MPPED1: variants seen among roughly 807,000 people sequenced by gnomAD.
MPPED1 encodes the protein metallophosphoesterase domain containing 1, also known as metallophosphoesterase domain-containing protein 1.
In MPPED1, 16 loss-of-function variants were observed where a neutral mutation model predicts 36.2. The ratio of observed to expected loss-of-function variants is 0.44; its 90% CI spans 0.30 to 0.67. The LOEUF is 0.67. Ranked by LOEUF, MPPED1 falls within the 30% of genes least tolerant of loss-of-function variation. The pLI is 0.10. For missense variants in MPPED1, 307 were observed against 453.4 expected (o/e 0.68, Z 2.93); for synonymous variants, 199 against 191.3 (o/e 1.04, Z -0.33).
intron 4 of MPPED1, among the ~76,000 whole-genome samples, chr22:43,481,655 C>T (rs887633247): frequency 6.6e-6 from 1 of 152,270 alleles, no homozygotes; most frequent in African/African-American, 2.4e-5. Flanking sequence ...CTGTCACCAG[C>T]TCCCTCCCCT....
intron 4 of MPPED1, among the ~76,000 whole-genome samples, chr22:43,491,827 TGGTGGTAATGATTG>T (rs1932111629): frequency 6.7e-6 from 1 of 150,112 alleles, no homozygotes; most frequent in African/African-American, 2.5e-5. Flanking sequence ...ATGATGGAGG[TGGTGGTAATGATTG>T]AGGTGCTGGT....
chr22:43,424,676 G>GTT (rs135084), intron 1 of MPPED1, among the ~76,000 whole-genome samples: 10 of 149,936 alleles, frequency 6.7e-5, no homozygotes, highest in South Asian at 2.1e-4. Context: ...GCTGTGGGTT[G>GTT]TTTTTTTTTC....
At chr22:43,476,073 G>A (rs1298588083) in intron 4 of MPPED1, among the ~76,000 whole-genome samples, 3 of 149,150 alleles carry the variant, frequency 2.0e-5, no homozygotes, top group Non-Finnish European at 3.0e-5. Context: ...TGATCATGGT[G>A]GGGGTGGTGG....
In MPPED1 at chr22:43,463,807, T is replaced by TTTTCTTTCTTTCTTTTTTTTTTTCTTTC. The variant is rs1491212045; in HGVS notation, c.407-10914_407-10913insTTTTTTTTCTTTCTTTCTTTCTTTCTTT. Among the ~76,000 whole-genome samples, 102 of 113,004 alleles carry TTTTCTTTCTTTCTTTTTTTTTTTCTTTC rather than the reference T, an allele frequency of 9.0e-4. 5 individuals are homozygous for TTTTCTTTCTTTCTTTTTTTTTTTCTTTC. Among genetic ancestry groups the TTTTCTTTCTTTCTTTTTTTTTTTCTTTC allele is most frequent in the East Asian group, 5.4e-3 (20 of 3,722 alleles). 74.1% of individuals were successfully genotyped at this position (113,004 alleles called of 152,430 possible). Reference sequence around the variant, plus strand: ...ACTGTGGTTGATTTTTCATTTTTTCTTTTCTTTCTTTCTTTCTTTCTTTCT... The same window carrying TTTTCTTTCTTTCTTTTTTTTTTTCTTTC: ...ACTGTGGTTGATTTTTCATTTTTTCTTTTCTTTCTTTCTTTTTTTTTTTCTTTCTTTCTTTCTTTCTTTCTTTCTTTCT... On this transcript the variant is annotated intron_variant, in intron 3 of 6. Coordinates refer to ENST00000443721, the MANE Select transcript of MPPED1 (RefSeq NM_001044370.2).
chr22:43,448,858 C>T (rs565253996), intron 3 of MPPED1, among the ~76,000 whole-genome samples: 4 of 152,170 alleles, frequency 2.6e-5, no homozygotes, highest in Admixed American at 1.3e-4. Context: ...CTTGGGCTCC[C>T]GAAGTGCTGG....
chr22:43,427,953 C>T (rs1038725610), intron 2 of MPPED1, among the ~76,000 whole-genome samples: 20 of 152,276 alleles, frequency 1.3e-4, no homozygotes, highest in Admixed American at 2.6e-4. Context: ...AAAAACGCTG[C>T]GCACAGTAAT....
chr22:43,466,784 C>G (rs960382647), intron 3 of MPPED1, among the ~76,000 whole-genome samples: 24 of 152,290 alleles, frequency 1.6e-4, no homozygotes, highest in African/African-American at 5.8e-4. Context: ...CTAGACAGTC[C>G]TAAGTCTCTT....
chr22:43,458,180 C>T (rs761869832), intron 3 of MPPED1, among the ~76,000 whole-genome samples: 31 of 152,180 alleles, frequency 2.0e-4, no homozygotes, highest in Non-Finnish European at 3.4e-4. Context: ...GTGCATTTCT[C>T]GGAATGCATC....
chr22:43,417,263 C>G (rs1929106737), intron 1 of MPPED1, among the ~76,000 whole-genome samples: 1 of 152,190 alleles, frequency 6.6e-6, no homozygotes, highest in Non-Finnish European at 1.5e-5. Context: ...CTACTGAACT[C>G]ATCAGCTTAT....
At chr22:43,461,700 T>A (rs981023896) in intron 3 of MPPED1, among the ~76,000 whole-genome samples, 2 of 152,226 alleles carry the variant, frequency 1.3e-5, no homozygotes, top group Non-Finnish European at 1.5e-5. Flanking sequence ...CTTTTTACTT[T>A]TTTTTGAGAA....
At chr22:43,444,928 G>A (rs1930284533) in intron 3 of MPPED1, among the ~76,000 whole-genome samples, 1 of 152,170 alleles carries the variant, frequency 6.6e-6, no homozygotes, top group Admixed American at 6.5e-5. Flanking sequence ...GAATATTGAT[G>A]ATAAATTAAA....
intron 4 of MPPED1, among the ~76,000 whole-genome samples, chr22:43,481,425 G>A (rs112536931): frequency 2.3e-4 from 35 of 152,254 alleles, no homozygotes; most frequent in African/African-American, 7.7e-4. Flanking sequence ...CTACTAGGGC[G>A]TCTGAGGCTT....
At chr22:43,452,674 G>C (rs2146855891) in intron 3 of MPPED1, among the ~76,000 whole-genome samples, 1 of 152,296 alleles carries the variant, frequency 6.6e-6, no homozygotes, top group South Asian at 2.1e-4. Flanking sequence ...TTGTCACCCA[G>C]GCTGGAGTGC....
intron 3 of MPPED1, among the ~76,000 whole-genome samples, chr22:43,454,906 T>A (rs1930699443): frequency 6.6e-6 from 1 of 152,096 alleles, no homozygotes; most frequent in Non-Finnish European, 1.5e-5. Flanking sequence ...ATTGATACTG[T>A]GTTGGTTTGA....
chr22:43,476,431 G>A (rs1037961398), intron 4 of MPPED1, among the ~76,000 whole-genome samples: 1 of 152,144 alleles, frequency 6.6e-6, no homozygotes, highest in African/African-American at 2.4e-5. Flanking sequence ...CTATCAGGAA[G>A]CAGCACAGTC....
At chr22:43,484,619 A>G (rs2076665) in intron 4 of MPPED1, among the ~76,000 whole-genome samples, 77,403 of 151,694 alleles carry the variant, frequency 0.51, 19,846 homozygotes, top group South Asian at 0.63. Flanking sequence ...ACAGGGTGAG[A>G]CACGCAAAGC....
At chr22:43,482,229 G>C (rs933407025) in intron 4 of MPPED1, among the ~76,000 whole-genome samples, 1 of 152,166 alleles carries the variant, frequency 6.6e-6, no homozygotes, top group African/African-American at 2.4e-5. Context: ...AAAAGAGTGA[G>C]GGAGAGAGTG....
At chr22:43,440,024 G>A (rs560950691) in intron 3 of MPPED1, among the ~76,000 whole-genome samples, 28 of 152,336 alleles carry the variant, frequency 1.8e-4, no homozygotes, top group Admixed American at 1.2e-3. Flanking sequence ...TACCTCCACT[G>A]TCAGCCCCTG....
chr22:43,481,877 C>T (rs1931759952), intron 4 of MPPED1, among the ~76,000 whole-genome samples: 1 of 152,216 alleles, frequency 6.6e-6, no homozygotes, highest in African/African-American at 2.4e-5. Context: ...AGGGCCATAA[C>T]CACCGCTGTG....
Sources: gnomAD v4.1 joint callset for allele counts (sites outside exome capture counted in the v4.1 genomes callset) on GRCh38, gnomAD v4.1.1 for gene constraint, MANE v1.5 for transcripts, NCBI Gene and HGNC (gene_info 2026-07-23, HGNC 2026-07-21) for gene names.